Variants in CLVS1 observed in about 807,000 individuals in gnomAD.
The protein encoded by CLVS1 is clavesin-1.
CLVS1 carries 10 observed loss-of-function variants against 33.1 expected under a neutral mutation model. The ratio of observed to expected loss-of-function variants is 0.30; its 90% CI spans 0.19 to 0.51. CLVS1 has a LOEUF of 0.51. Ranked by LOEUF, CLVS1 falls within the 20% of genes least tolerant of loss-of-function variation. The pLI, the probability that CLVS1 is intolerant of heterozygous loss-of-function variation, is 0.97. For missense variants in CLVS1, 343 were observed against 433.4 expected, an observed-to-expected ratio of 0.79 and a Z score of 1.85; for synonymous variants, 163 against 166.1, an observed-to-expected ratio of 0.98 and a Z score of 0.14.
At chr8:61,111,850 T>A (rs1189895991) in intron 1 of CLVS1, among the ~76,000 whole-genome samples, 1 of 152,136 alleles carries the variant, frequency 6.6e-6, no homozygotes, top group Non-Finnish European at 1.5e-5. Flanking sequence ...GAAATTTTAA[T>A]TGAAGTTGTA....
intron 2 of CLVS1, among the ~76,000 whole-genome samples, chr8:61,341,483 G>A (rs1030450675): frequency 2.6e-5 from 4 of 152,200 alleles, no homozygotes; most frequent in Admixed American, 1.3e-4. Context: ...CATAGGCACA[G>A]CTTAAGGGCC....
At chr8:61,066,384 G>A (rs190977536) in intron 1 of CLVS1, among the ~76,000 whole-genome samples, 3 of 152,268 alleles carry the variant, frequency 2.0e-5, no homozygotes, top group South Asian at 2.1e-4. Context: ...TGTAGTCCTA[G>A]CTACTTGGAG....
rs1284090514 is a variant in CLVS1 at position 61,500,566 on chromosome 8, A to C, written c.*1024A>C. 1 of 152,234 alleles carries C rather than the reference A, an allele frequency of 6.6e-6. No homozygotes were observed. Among genetic ancestry groups the C allele is most frequent in the Non-Finnish European group, 1.5e-5 (1 of 68,038 alleles). 9.4% of individuals were successfully genotyped at this position (152,234 alleles called of 1,614,324 possible). A position where few individuals can be genotyped will look rare whatever the true frequency, so the allele number is the denominator to read the frequency against. ...ACTAGAAATGCAGGATGAAATGTCA[A>C]AGGTCATTTTATTTACCTAGTCTCC... On this transcript the variant is annotated 3_prime_UTR_variant, in exon 6 of 6. Coordinates refer to ENST00000325897, the MANE Select transcript of CLVS1 (RefSeq NM_173519.3).
At chr8:61,055,643 C>T (rs554191740), upstream of CLVS1, among the ~76,000 whole-genome samples, 5 of 152,274 alleles carry the variant, frequency 3.3e-5, no homozygotes, top group South Asian at 2.1e-4. Flanking sequence ...ATTGTGGAGA[C>T]GTAGAAGCAG....
intron 3 of CLVS1, among the ~76,000 whole-genome samples, chr8:61,438,773 T>C (rs959142955): frequency 6.6e-6 from 1 of 152,188 alleles, no homozygotes; most frequent in Non-Finnish European, 1.5e-5. Context: ...CTAAGTAAAG[T>C]TATGTTTCCT....
At chr8:61,189,546 C>T (rs1345181271) in intron 2 of CLVS1, among the ~76,000 whole-genome samples, 1 of 152,154 alleles carries the variant, frequency 6.6e-6, no homozygotes, top group Non-Finnish European at 1.5e-5. Context: ...TGTAAATGGA[C>T]TAAATGCTCC....
At chr8:61,341,062 T>C (rs992322416) in intron 2 of CLVS1, among the ~76,000 whole-genome samples, 2 of 152,252 alleles carry the variant, frequency 1.3e-5, no homozygotes, top group African/African-American at 2.4e-5. Context: ...ATAATAGCTT[T>C]CTCTTAAAAG....
At chr8:61,211,462 T>TTCCTCTGCCTCCCCCTC in intron 2 of CLVS1, among the ~76,000 whole-genome samples, 1 of 151,654 alleles carries the variant, frequency 6.6e-6, no homozygotes, top group Non-Finnish European at 1.5e-5. Context: ...TCCTCTCCTT[T>TTCCTCTGCCTCCCCCTC]TCCTCTGCCT....
At chr8:61,383,590 G>A (rs1813969181) in intron 3 of CLVS1, among the ~76,000 whole-genome samples, 1 of 152,178 alleles carries the variant, frequency 6.6e-6, no homozygotes, top group Non-Finnish European at 1.5e-5. Context: ...GAATTTGCAA[G>A]AGTGCATTAT....
At chr8:61,274,606 C>T (rs1178835947) in intron 2 of CLVS1, among the ~76,000 whole-genome samples, 1 of 152,124 alleles carries the variant, frequency 6.6e-6, no homozygotes, top group Non-Finnish European at 1.5e-5. Flanking sequence ...AGGAAAATTG[C>T]TACTTCTCTC....
At chr8:61,470,489 C>G (rs973854971) in intron 5 of CLVS1, among the ~76,000 whole-genome samples, 1 of 152,190 alleles carries the variant, frequency 6.6e-6, no homozygotes, top group African/African-American at 2.4e-5. Flanking sequence ...TGCCTGTTTG[C>G]TGAAGCACCA....
chr8:61,254,402 A>G (rs937008999), intron 2 of CLVS1, among the ~76,000 whole-genome samples: 1 of 152,148 alleles, frequency 6.6e-6, no homozygotes, highest in African/African-American at 2.4e-5. Flanking sequence ...GTCCGTTCTC[A>G]TATCTCAAGC....
At chr8:61,213,039 C>T (rs1160277027) in intron 2 of CLVS1, among the ~76,000 whole-genome samples, 1 of 152,002 alleles carries the variant, frequency 6.6e-6, no homozygotes, top group Non-Finnish European at 1.5e-5. Flanking sequence ...TCCCACTATC[C>T]CTCACCACTC....
the CLVS1 span, among the ~76,000 whole-genome samples, chr8:60,993,343 G>A: frequency 6.6e-6 from 1 of 152,150 alleles, no homozygotes; most frequent in Non-Finnish European, 1.5e-5. Context: ...TTTCTGTCAC[G>A]TCTCCAGTGT....
chr8:61,132,290 T>C (rs1585632856), intron 2 of CLVS1, among the ~76,000 whole-genome samples: 2 of 152,166 alleles, frequency 1.3e-5, no homozygotes, highest in Non-Finnish European at 2.9e-5. Context: ...CTGCTGGTGG[T>C]GAAAACCGAT....
chr8:61,220,342 G>A (rs965200513), intron 2 of CLVS1, among the ~76,000 whole-genome samples: 2 of 152,084 alleles, frequency 1.3e-5, no homozygotes, highest in African/African-American at 2.4e-5. Flanking sequence ...TGTATAAGGT[G>A]TAAGGAAGGG....
At chr8:61,254,937 C>T (rs574037956) in intron 2 of CLVS1, among the ~76,000 whole-genome samples, 1 of 152,314 alleles carries the variant, frequency 6.6e-6, no homozygotes, top group Non-Finnish European at 1.5e-5. Context: ...CGACAATCCC[C>T]AGTGAGATGC....
intron 1 of CLVS1, among the ~76,000 whole-genome samples, chr8:61,106,201 T>G (rs1664128300): frequency 1.3e-5 from 2 of 152,178 alleles, no homozygotes; most frequent in Admixed American, 1.3e-4. Context: ...AACTGTATTT[T>G]AAAGCATGAA....
At chr8:60,985,659 A>G in the CLVS1 span, among the ~76,000 whole-genome samples, 1 of 152,196 alleles carries the variant, frequency 6.6e-6, no homozygotes, top group Admixed American at 6.5e-5. Context: ...TAATGAAATA[A>G]TGTTTTGGGG....
Sources: gnomAD v4.1 joint callset for allele counts (sites outside exome capture counted in the v4.1 genomes callset) on GRCh38, gnomAD v4.1.1 for gene constraint, MANE v1.5 for transcripts, NCBI Gene and HGNC (gene_info 2026-07-23, HGNC 2026-07-21) for gene names.